The following SLC1A1 variants were observed in gnomAD, a reference collection of about 807,000 sequenced individuals.
SLC1A1 encodes the protein solute carrier family 1 member 1, also known as excitatory amino acid transporter 3.
A neutral mutation model predicts 53.3 loss-of-function variants in SLC1A1; 43 were observed. The ratio of observed to expected loss-of-function variants is 0.81; its 90% CI spans 0.63 to 1.04. SLC1A1 has a LOEUF of 1.04. Among genes scored for constraint, SLC1A1 ranks in the 50% least tolerant of loss-of-function variants. SLC1A1 has a pLI of 0.00. For synonymous variants in SLC1A1, 307 were observed against 243.2 expected (o/e 1.26, Z -2.44); for missense variants, 748 against 664.9 (o/e 1.12, Z -1.37).
intron 1 of SLC1A1, among the ~76,000 whole-genome samples, chr9:4,518,029 A>T (rs1815922412): frequency 6.6e-6 from 1 of 151,996 alleles, no homozygotes; most frequent in Non-Finnish European, 1.5e-5. Flanking sequence ...GGAGTTCAAG[A>T]CCAGCCTGGC....
intron 1 of SLC1A1, among the ~76,000 whole-genome samples, chr9:4,498,706 G>C (rs1820526320): frequency 6.7e-6 from 1 of 149,708 alleles, no homozygotes; most frequent in Non-Finnish European, 1.5e-5. Context: ...GCATGCCACA[G>C]ACATGACAAT....
At chr9:4,574,906 A>C (rs548929716) in intron 8 of SLC1A1, among the ~76,000 whole-genome samples, 1 of 152,192 alleles carries the variant, frequency 6.6e-6, no homozygotes, top group African/African-American at 2.4e-5. Flanking sequence ...CAGCCAACAC[A>C]GAGGCAGATT....
chr9:4,537,588 TAAAATAAAATA>T lies in SLC1A1; in HGVS notation c.92-6974_92-6964del, dbSNP rs1274369677. On this transcript the variant is annotated intron_variant, in intron 1 of 11. Transcript: ENST00000262352. ...CTCAAAAAAATAAAATAAAATAAAA[TAAAATAAAATA>T]AAAAAAAAAAAAATCACATGCTACA... is the stretch of plus-strand genomic sequence containing the variant. 3.5e-4 allele frequency among the ~76,000 whole-genome samples: 8 copies of T among 22,858 alleles called. 1 individual carries two copies. Among genetic ancestry groups the T allele is most frequent in the African/African-American group, 1.3e-3 (7 of 5,300 alleles). The allele number at this position is 22,858 out of a possible 152,430, so 15.0% of individuals were successfully genotyped here.
chr9:4,503,009 A>G (rs1160006867), intron 1 of SLC1A1, among the ~76,000 whole-genome samples: 2 of 151,488 alleles, frequency 1.3e-5, no homozygotes, highest in Non-Finnish European at 2.9e-5. Context: ...CAAATGTTTC[A>G]CTCACTGTTA....
chr9:4,490,950 A>G (rs1199387736), intron 1 of SLC1A1, among the ~76,000 whole-genome samples, 180 bp downstream of exon 1: 2 of 152,138 alleles, frequency 1.3e-5, no homozygotes, highest in African/African-American at 4.8e-5. Context: ...ATTACTGCAC[A>G]CCAAGAACAA....
chr9:4,573,949 C>T lies in SLC1A1; in HGVS notation c.810C>T (p.Ile270=), dbSNP rs747965475. 6.2e-7 allele frequency: 1 copy of T among 1,613,808 alleles called. No homozygotes were observed. Among genetic ancestry groups the T allele is most frequent in the African/African-American group, 1.3e-5 (1 of 74,922 alleles). The change falls in exon 8 of 12, where the codon ATC becomes ATT. Residue 270 remains isoleucine (I), a synonymous_variant. Transcript: ENST00000262352. ...TTTTGTTCCTGATTGCTGGGAAGAT[C>T]ATAGAAGTTGAAGACTGGGAAATAT... is the stretch of plus-strand genomic sequence containing the variant. ...LGILFLIAGK[I]IEVEDWEIFR...
At chr9:4,547,812 T>C (rs1259643787) in intron 2 of SLC1A1, among the ~76,000 whole-genome samples, 6 of 152,072 alleles carry the variant, frequency 3.9e-5, no homozygotes, top group African/African-American at 7.3e-5. Flanking sequence ...TTTTATACTA[T>C]GTATACATAG....
rs747768463 is a variant in SLC1A1 at position 4,583,042 on chromosome 9, A to G, written c.1198A>G (p.Thr400Ala). The G allele has an allele frequency of 6.2e-7, 1 of 1,614,218 alleles. No homozygotes were observed. Among genetic ancestry groups the G allele is most frequent in the Non-Finnish European group, 8.5e-7 (1 of 1,180,028 alleles). The change falls in exon 11 of 12, where the codon ACG becomes GCG. Residue 400 changes from threonine (T) to alanine (A), a missense_variant. Coordinates refer to ENST00000262352, the MANE Select transcript of SLC1A1 (RefSeq NM_004170.6). The surrounding 1 kb of genome is among the most constrained non-coding windows in gnomAD (Gnocchi z 4.6). ...CCTGCTGGTATGTTTCTGCAGTATC[A>G]CGGCCACATCTGCCAGCATCGGAGC... ...GIGQIITISI[T>A]ATSASIGAAG...
At chr9:4,513,793 C>G (rs373747598) in intron 1 of SLC1A1, among the ~76,000 whole-genome samples, 1 of 152,110 alleles carries the variant, frequency 6.6e-6, no homozygotes, top group African/African-American at 2.4e-5. Flanking sequence ...AAATGGGAGA[C>G]GAGTCAAATA....
At chr9:4,539,740 T>C (rs571815921) in intron 1 of SLC1A1, among the ~76,000 whole-genome samples, 1 of 152,082 alleles carries the variant, frequency 6.6e-6, no homozygotes, top group Non-Finnish European at 1.5e-5. Flanking sequence ...CCTGGCTAAT[T>C]TTTGTATTTT....
intron 1 of SLC1A1, among the ~76,000 whole-genome samples, chr9:4,522,462 G>A (rs2130834061): frequency 6.6e-6 from 1 of 152,274 alleles, no homozygotes; most frequent in Non-Finnish European, 1.5e-5. Context: ...TGGTTATTCA[G>A]CCTAATGTCC....
At position 4,579,198 on chromosome 9, in the gene SLC1A1, T is replaced by C. The variant is rs567261622; in HGVS notation, c.1193+2435T>C. The stretch of plus-strand genomic sequence containing the variant: ...GCTAAAGAAGCCTGTGCCAAAGAGA[T>C]TGAGCAAAGTCCTGTAATTATAACA... On this transcript the variant is annotated intron_variant, in intron 10 of 11. Coordinates refer to ENST00000262352, the MANE Select transcript of SLC1A1 (RefSeq NM_004170.6). Among the ~76,000 whole-genome samples the C allele has an allele frequency of 8.5e-5, 13 of 152,350 alleles. No homozygotes were observed. In the South Asian group the frequency reaches 2.7e-3, roughly 32 times the overall value.
chr9:4,561,576 T>C, intron 3 of SLC1A1, 35 bp downstream of exon 3: 1 of 1,249,230 alleles, frequency 8.0e-7, no homozygotes, highest in Admixed American at 1.7e-5. Flanking sequence ...CTACTTTATG[T>C]AATGGTGATT....
intron 1 of SLC1A1, among the ~76,000 whole-genome samples, chr9:4,492,270 G>C (rs964343952): frequency 7.9e-5 from 12 of 152,118 alleles, no homozygotes; most frequent in Admixed American, 3.3e-4. Flanking sequence ...AGATGGCCTT[G>C]TTTGTTTTCC....
At chr9:4,559,565 C>CATT (rs1818734938) in intron 2 of SLC1A1, among the ~76,000 whole-genome samples, 1 of 151,956 alleles carries the variant, frequency 6.6e-6, no homozygotes, top group Non-Finnish European at 1.5e-5. Flanking sequence ...ATGGATAGGC[C>CATT]TTTTAGTGTG....
At chr9:4,497,352 G>A (rs1331399550) in intron 1 of SLC1A1, among the ~76,000 whole-genome samples, 1 of 152,186 alleles carries the variant, frequency 6.6e-6, no homozygotes, top group East Asian at 1.9e-4. Flanking sequence ...ATCCTCTCCC[G>A]CTGCTGTGTG....
At chr9:4,564,035 C>T (rs1044836228) in intron 3 of SLC1A1, among the ~76,000 whole-genome samples, 3 of 152,192 alleles carry the variant, frequency 2.0e-5, no homozygotes, top group Admixed American at 1.3e-4. Context: ...AGAATATTCT[C>T]ATCAGCAGGT....
chr9:4,579,866 G>A (rs532270129), intron 10 of SLC1A1, among the ~76,000 whole-genome samples: 61 of 151,848 alleles, frequency 4.0e-4, no homozygotes, highest in Non-Finnish European at 6.8e-4. Flanking sequence ...AGGTTACAAC[G>A]GATTGAAAAT....
Position 4,585,451 on chromosome 9 carries a change from A to G in SLC1A1, c.1468A>G (p.Thr490Ala). 1 of 1,614,210 alleles carries G rather than the reference A, an allele frequency of 6.2e-7. No individual in the cohort carries two copies. Among genetic ancestry groups the G allele is most frequent in the Non-Finnish European group, 8.5e-7 (1 of 1,180,044 alleles). Residue 490 changes from threonine to alanine, a missense_variant, in exon 12 of 12, where the codon ACA (threonine) becomes GCA (alanine). Transcript: ENST00000262352. ...TGTGAATCCCTTTGCCTTGGAATCC[A>G]CAATCCTTGACAACGAAGACTCAGA... is the stretch of plus-strand genomic sequence containing the variant. Reference protein sequence around the residue: ...NIVNPFALESTILDNEDSDTK... With the variant: ...NIVNPFALESAILDNEDSDTK...
Sources: allele counts gnomAD v4.1 joint callset (sites outside exome capture counted in the v4.1 genomes callset), GRCh38; gene constraint gnomAD v4.1.1; non-coding constraint Gnocchi (gnomAD v3.1); transcripts MANE v1.5; gene names NCBI Gene and HGNC (gene_info 2026-07-23, HGNC 2026-07-21).